Variants in LAIR2 observed in about 807,000 individuals in gnomAD.
The protein encoded by LAIR2 is leukocyte associated immunoglobulin like receptor 2.
Under a neutral mutation model 14.8 loss-of-function variants are expected in LAIR2, and 14 were observed. The observed-to-expected ratio is 0.95, with a 90% CI of 0.62 to 1.48. The LOEUF is 1.48. LAIR2 is among the 40% of genes most tolerant of loss of function. The pLI is 0.00. For synonymous variants in LAIR2, 75 were observed against 74.5 expected, an observed-to-expected ratio of 1.01 and a Z score of -0.03; for missense variants, 172 against 180.9, an observed-to-expected ratio of 0.95 and a Z score of 0.28.
Position 54,507,962 on chromosome 19 carries a change from A to G in LAIR2, c.142A>G (p.Met48Val), listed in dbSNP as rs566416536. The change falls in exon 3 of 5, where the codon ATG becomes GTG. Residue 48 changes from methionine to valine, a missense_variant. Met to Val is a conservative substitution (Grantham distance 21). Transcript: ENST00000301202. The stretch of plus-strand genomic sequence containing the variant: ...CTCCCCGGGGAGCCATGTGACTTTC[A>G]TGTGCCGGGGCCCGGTTGGGGTTCA... ...VISPGSHVTF[M>V]CRGPVGVQTF... 127 of 1,613,900 alleles carry G rather than the reference A, an allele frequency of 7.9e-5. No individual in the cohort carries two copies. The Middle Eastern group carries it at 1.2e-3, about 15-fold the overall frequency.
chr19:54,507,559 C>G (rs1185537838), intron 2 of LAIR2, among the ~76,000 whole-genome samples: 2 of 151,954 alleles, frequency 1.3e-5, no homozygotes, highest in South Asian at 2.1e-4. Context: ...CCCTCCCACC[C>G]TCTGTCCCTC....
chr19:54,505,980 G>T (rs1437620076), intron 2 of LAIR2, among the ~76,000 whole-genome samples: 2 of 151,940 alleles, frequency 1.3e-5, no homozygotes, highest in Non-Finnish European at 2.9e-5. Context: ...CTGCCACCAT[G>T]CCTGGCTGAT....
At chr19:54,503,608 A>G in intron 1 of LAIR2, 92 bp from the exon 2 acceptor site, 1 of 1,515,104 alleles carries the variant, frequency 6.6e-7, no homozygotes, top group Non-Finnish European at 9.2e-7. Context: ...GAAATGCTGA[A>G]TGCCCCCCAG....
chr19:54,504,769 C>A (rs917146677), intron 2 of LAIR2, among the ~76,000 whole-genome samples: 3 of 152,086 alleles, frequency 2.0e-5, no homozygotes, highest in Admixed American at 2.0e-4. Flanking sequence ...GCCACCACGC[C>A]CAGCTAATTT....
chr19:54,510,408 A>G, intron 4 of LAIR2, 118 bp from the exon 5 acceptor site: 1 of 728,360 alleles, frequency 1.4e-6, no homozygotes. Flanking sequence ...CTGTCCTGGT[A>G]GAATCGTTTA....
At chr19:54,503,588 T>C (rs1600092757) in intron 1 of LAIR2, 112 bp from the exon 2 acceptor site, 2 of 1,321,658 alleles carry the variant, frequency 1.5e-6, no homozygotes, top group East Asian at 2.3e-5. Context: ...AGGGTTGGCT[T>C]GGTCGTTATG....
At chr19:54,508,288 C>T (rs1600098674) in intron 3 of LAIR2, 104 bp downstream of exon 3, 14 of 1,186,388 alleles carry the variant, frequency 1.2e-5, no homozygotes, top group Non-Finnish European at 1.5e-5. Context: ...CTGTGGCCAC[C>T]GTTGCCCTCT....
In LAIR2 at chr19:54,507,968, CG is replaced by C. The variant is rs756729299; in HGVS notation, c.152del (p.Gly51AlafsTer41). On this transcript the variant is annotated frameshift_variant, in exon 3 of 5. Coordinates refer to ENST00000301202, the MANE Select transcript of LAIR2 (RefSeq NM_002288.6). LOFTEE classifies it high-confidence loss of function. The stretch of plus-strand genomic sequence containing the variant: ...GGGGAGCCATGTGACTTTCATGTGC[CG>C]GGGCCCGGTTGGGGTTCAAACATTC... ...SPGSHVTFMC[R>X]GPVGVQTFRL... is the part of the protein sequence containing the mutation. 3.1e-6 allele frequency: 5 copies of C among 1,613,946 alleles called. No individual in the cohort carries two copies. The highest frequency in any genetic ancestry group is 4.2e-6 in the Non-Finnish European group (5 of 1,180,006).
intron 2 of LAIR2, among the ~76,000 whole-genome samples, chr19:54,504,917 AC>A (rs1334987110): frequency 1.3e-5 from 2 of 152,072 alleles, no homozygotes; most frequent in African/African-American, 4.8e-5. Flanking sequence ...GCCGAGATGA[AC>A]TTTTTTAGAT....
At chr19:54,503,487 A>T (rs916073525) in intron 1 of LAIR2, among the ~76,000 whole-genome samples, 1 of 151,980 alleles carries the variant, frequency 6.6e-6, no homozygotes, top group African/African-American at 2.4e-5. Flanking sequence ...GGGCTGGGGG[A>T]GCAGGAGCCT....
intron 3 of LAIR2, among the ~76,000 whole-genome samples, 193 bp from the exon 4 acceptor site, chr19:54,508,842 C>T (rs141244995): frequency 0.018 from 2,812 of 152,016 alleles, no homozygotes; most frequent in Middle Eastern, 0.061. Flanking sequence ...GAGGGAGTGA[C>T]CAGCCCCAGG....
At chr19:54,505,443 T>C (rs36053696) in intron 2 of LAIR2, among the ~76,000 whole-genome samples, 14,113 of 150,790 alleles carry the variant, frequency 0.094, 905 homozygotes, top group African/African-American at 0.19. Flanking sequence ...GTGACAGCCC[T>C]TCTCCCCTCC....
intron 1 of LAIR2, among the ~76,000 whole-genome samples, 198 bp from the exon 2 acceptor site, chr19:54,503,502 G>T (rs2085312056): frequency 6.6e-6 from 1 of 152,124 alleles, no homozygotes; most frequent in South Asian, 2.1e-4. Context: ...GAGCCTTTTT[G>T]GAAGAGGAGA....
chr19:54,510,301 C>T (rs1174891128), intron 4 of LAIR2, among the ~76,000 whole-genome samples: 2 of 150,784 alleles, frequency 1.3e-5, no homozygotes, highest in African/African-American at 2.5e-5. Context: ...GTTCAAATCC[C>T]GGTGGTTCTG....
At position 54,508,039 on chromosome 19, in the gene LAIR2, T is replaced by G; in HGVS notation, c.219T>G (p.Asn73Lys). Residue 73 changes from asparagine (N) to lysine (K), a missense_variant, in exon 3 of 5, where the codon AAT becomes AAG. Physicochemically the swap from Asn to Lys is moderately conservative, Grantham distance 94. This residue lies in a region of LAIR2 where 161 missense variants were observed against 149.0 expected (regional missense o/e 1.08). Transcript: ENST00000301202. The part of the protein sequence containing the change: ...EDRAKYKDSY[N>K]VFRLGPSESE... ...GAGCCAAGTACAAAGATAGTTATAA[T>G]GTGTTTCGACTTGGTCCATCTGAGT... 6.2e-7 allele frequency: 1 copy of G among 1,614,148 alleles called. No homozygotes were observed. Among genetic ancestry groups the G allele is most frequent in the Non-Finnish European group, 8.5e-7 (1 of 1,180,002 alleles).
At chr19:54,505,201 A>G (rs1464422680) in intron 2 of LAIR2, among the ~76,000 whole-genome samples, 1 of 152,096 alleles carries the variant, frequency 6.6e-6, no homozygotes, top group East Asian at 1.9e-4. Context: ...CACAATGAGA[A>G]TTCAAACCCA....
chr19:54,509,810 G>A (rs887880575), intron 4 of LAIR2, among the ~76,000 whole-genome samples: 2 of 151,684 alleles, frequency 1.3e-5, no homozygotes, highest in Non-Finnish European at 3.0e-5. Flanking sequence ...GAGTGAAGCT[G>A]CCCCAAGTCC....
intron 2 of LAIR2, among the ~76,000 whole-genome samples, chr19:54,505,655 G>T (rs1230554332): frequency 6.6e-6 from 1 of 152,066 alleles, no homozygotes; most frequent in East Asian, 1.9e-4. Context: ...TTTATCTTCA[G>T]ATAGAATCAA....
chr19:54,508,144 A>T lies in LAIR2; in HGVS notation c.324A>T (p.Gly108=). ...GCTGCCTCTATTATAAGCCCCCTGGATGGTCTGAGCACAGTGACTTCCTGG... is the reference window on the plus strand; with the variant it reads ...GCTGCCTCTATTATAAGCCCCCTGGTTGGTCTGAGCACAGTGACTTCCTGG... The part of the protein sequence containing the change: ...LYRCLYYKPP[G]WSEHSDFLEL... The change falls in exon 3 of 5, where the codon GGA becomes GGT. Residue 108 remains glycine, a synonymous_variant. Coordinates refer to ENST00000301202, the MANE Select transcript of LAIR2 (RefSeq NM_002288.6). 6.2e-7 allele frequency: 1 copy of T among 1,613,826 alleles called. No homozygotes were observed. The highest frequency in any genetic ancestry group is 8.5e-7 in the Non-Finnish European group (1 of 1,180,008).
Sources: gnomAD v4.1 joint callset for allele counts (sites outside exome capture counted in the v4.1 genomes callset) on GRCh38, gnomAD v4.1.1 for gene constraint, gnomAD v4.1.1 regional missense constraint, MANE v1.5 for transcripts, NCBI Gene and HGNC (gene_info 2026-07-23, HGNC 2026-07-21) for gene names.